The following CHL1 variants were observed in gnomAD, a reference collection of about 807,000 sequenced individuals.
CHL1 encodes the protein cell adhesion molecule L1 like.
In CHL1, 96 loss-of-function variants were observed where a neutral mutation model predicts 141.9. The observed-to-expected ratio is 0.68, with a 90% CI of 0.57 to 0.80. The LOEUF (loss-of-function observed/expected upper bound fraction) is 0.80, where lower values mean the gene tolerates loss of function less well. CHL1 is among the 30% of genes least tolerant of loss of function. The probability of loss-of-function intolerance (pLI) is 0.00; values close to 1 mark genes in which losing one functional copy is unlikely to be tolerated. For synonymous variants in CHL1, 613 were observed against 502.2 expected (o/e 1.22, Z -2.95); for missense variants, 1,820 against 1,457.2 (o/e 1.25, Z -4.05).
chr3:263,559 C>G (rs574186780), intron 2 of CHL1, among the ~76,000 whole-genome samples: 11 of 152,274 alleles, frequency 7.2e-5, no homozygotes, highest in African/African-American at 2.6e-4. Context: ...TAAAATATCC[C>G]TCATTTCCAT....
rs577970470 is a variant in CHL1 at position 315,654 on chromosome 3, C to A, written c.-94-4029C>A. Reference sequence around the variant, plus strand: ...GAAGTTGCCCTAGGAGGTACGCACGCTTGTCCATGTTAAACTAATGTCTTG... The same window carrying A: ...GAAGTTGCCCTAGGAGGTACGCACGATTGTCCATGTTAAACTAATGTCTTG... On this transcript the variant is annotated intron_variant, in intron 2 of 27. Transcript: ENST00000256509. 2.0e-5 allele frequency among the ~76,000 whole-genome samples: 3 copies of A among 152,132 alleles called. No individual in the cohort carries two copies. The East Asian group carries it at 5.8e-4, about 29-fold the overall frequency.
intron 3 of CHL1, among the ~76,000 whole-genome samples, chr3:323,442 C>A (rs1462999746): frequency 6.6e-6 from 1 of 151,938 alleles, no homozygotes; most frequent in African/African-American, 2.4e-5. Context: ...AATGAAAGCT[C>A]CATGATGTTA....
chr3:264,993 T>G, intron 2 of CHL1, among the ~76,000 whole-genome samples: 1 of 152,206 alleles, frequency 6.6e-6, no homozygotes, highest in African/African-American at 2.4e-5. Context: ...ATAATGATGT[T>G]ACATCACGTC....
In CHL1 at chr3:252,361, G is replaced by GATATATAT. The variant is rs71058760; in HGVS notation, c.-95+7702_-95+7709dup. On this transcript the variant is annotated intron_variant, in intron 2 of 27. Transcript: ENST00000256509. ...AGCCACAGATTTAAGAAAGCATCCAGATATATATATATATATATATATATA... is the reference window on the plus strand; with the variant it reads ...AGCCACAGATTTAAGAAAGCATCCAGATATATATATATATATATATATATATATATATA... 9.0e-3 allele frequency among the ~76,000 whole-genome samples: 489 copies of GATATATAT among 54,156 alleles called. 8 individuals are homozygous for GATATATAT. Among genetic ancestry groups the GATATATAT allele is most frequent in the East Asian group, 0.011 (11 of 988 alleles). 35.5% of individuals were successfully genotyped at this position (54,156 alleles called of 152,430 possible). A position where few individuals can be genotyped will look rare whatever the true frequency, so the allele number is the denominator to read the frequency against.
intron 2 of CHL1, among the ~76,000 whole-genome samples, chr3:254,909 C>T (rs1368182805): frequency 6.6e-6 from 1 of 152,142 alleles, no homozygotes; most frequent in East Asian, 1.9e-4. Context: ...TAAGTCTCAA[C>T]ACTTGAATTT....
At chr3:372,978 CCTT>C (rs1278227439) in intron 15 of CHL1, among the ~76,000 whole-genome samples, 2 of 152,150 alleles carry the variant, frequency 1.3e-5, no homozygotes, top group African/African-American at 4.8e-5. Context: ...GGTGCCTGCT[CCTT>C]CTTGTGGGAT....
rs750565016 is a variant in CHL1, at chr3:360,394, A to G, written c.1276A>G (p.Ile426Val). Residue 426 changes from isoleucine (I) to valine (V), a missense_variant, in exon 12 of 28, where the codon ATC becomes GTC. Transcript: ENST00000256509. ...TGAAGCCTCAAATGTCCATGGAACT[A>G]TCCTTGCCAATGCCAATATTGATGT... ...QCEASNVHGT[I>V]LANANIDVVD... 6.2e-7 allele frequency: 1 copy of G among 1,613,812 alleles called. No homozygotes were observed. The highest frequency in any genetic ancestry group is 1.1e-5 in the South Asian group (1 of 91,046).
intron 2 of CHL1, among the ~76,000 whole-genome samples, chr3:306,646 T>C (rs1289144099): frequency 6.6e-6 from 1 of 152,074 alleles, no homozygotes; most frequent in Non-Finnish European, 1.5e-5. Flanking sequence ...AAATTGTCTT[T>C]AACCAAAAAA....
chr3:241,461 C>T (rs1046966557), intron 1 of CHL1, among the ~76,000 whole-genome samples: 13 of 152,264 alleles, frequency 8.5e-5, no homozygotes, highest in East Asian at 1.9e-4. Flanking sequence ...TCCGCTGATC[C>T]GCAGCTCTCA....
intron 2 of CHL1, among the ~76,000 whole-genome samples, chr3:317,334 T>C (rs1192451131): frequency 6.6e-6 from 1 of 151,958 alleles, no homozygotes; most frequent in Non-Finnish European, 1.5e-5. Context: ...ACCAGTGAAC[T>C]TACTGCCCTA....
chr3:349,982 C>T (rs1703104528), intron 10 of CHL1, among the ~76,000 whole-genome samples: 1 of 152,060 alleles, frequency 6.6e-6, no homozygotes, highest in South Asian at 2.1e-4. Flanking sequence ...CTCCGTACCT[C>T]AGGCTCTTCA....
chr3:198,070 G>C (rs1698538136), intron 1 of CHL1: 1 of 295,712 alleles, frequency 3.4e-6, no homozygotes, highest in African/African-American at 2.2e-5. Flanking sequence ...CGGGCCGGAG[G>C]AGCAGCAGCC....
At chr3:379,782 G>A (rs1170386802) in intron 16 of CHL1, among the ~76,000 whole-genome samples, 1 of 151,944 alleles carries the variant, frequency 6.6e-6, no homozygotes, top group Admixed American at 6.6e-5. Context: ...AAATTTTGGA[G>A]AATATTATGT....
chr3:360,259 A>C lies in CHL1; in HGVS notation c.1166-25A>C, dbSNP rs1360346145. The stretch of plus-strand genomic sequence containing the variant: ...TATTTTATGTCCTGTTCCTTATCAA[A>C]CTGACATTCTTTAATCTCTTTCAGA... On this transcript the variant is annotated intron_variant, in intron 11 of 27. Transcript: ENST00000256509. The C allele has an allele frequency of 2.5e-6, 4 of 1,612,408 alleles. No individual in the cohort carries two copies. In the Admixed American group the frequency reaches 6.7e-5, roughly 27 times the overall value.
At chr3:354,583 T>G in intron 10 of CHL1, 57 bp from the exon 11 acceptor site, 1 of 1,554,728 alleles carries the variant, frequency 6.4e-7, no homozygotes. Flanking sequence ...GGCCTTAACA[T>G]TTTTGGACTT....
At chr3:325,071 T>G (rs73097088) in intron 3 of CHL1, among the ~76,000 whole-genome samples, 151 of 151,344 alleles carry the variant, frequency 1.0e-3, no homozygotes, top group African/African-American at 3.5e-3. Context: ...AGAACAAAAC[T>G]TCCAATAGAT....
chr3:313,476 T>C (rs1006862311), intron 2 of CHL1, among the ~76,000 whole-genome samples: 1 of 152,098 alleles, frequency 6.6e-6, no homozygotes, highest in African/African-American at 2.4e-5. Flanking sequence ...AAAGGGAAAA[T>C]CGAAGCATTT....
At chr3:301,701 A>G (rs975111391) in intron 2 of CHL1, among the ~76,000 whole-genome samples, 3 of 152,230 alleles carry the variant, frequency 2.0e-5, no homozygotes, top group Admixed American at 1.3e-4. Context: ...TGCAATTACT[A>G]CATGGAAATT....
chr3:198,968 A>G (rs1698673906), intron 1 of CHL1, among the ~76,000 whole-genome samples: 1 of 152,246 alleles, frequency 6.6e-6, no homozygotes, highest in Non-Finnish European at 1.5e-5. Flanking sequence ...ACTTTTGGTG[A>G]CAAGAAAATA....
Sources: allele counts gnomAD v4.1 joint callset (sites outside exome capture counted in the v4.1 genomes callset), GRCh38; gene constraint gnomAD v4.1.1; transcripts MANE v1.5; gene names NCBI Gene and HGNC (gene_info 2026-07-23, HGNC 2026-07-21).